Variants in FRK observed in about 807,000 individuals in gnomAD.
FRK encodes tyrosine-protein kinase FRK.
Under a neutral mutation model 56.4 loss-of-function variants are expected in FRK, and 51 were observed. That is an observed-to-expected ratio of 0.90 (90% CI 0.72 to 1.14). The LOEUF is 1.14. FRK is among the 50% of genes most tolerant of loss of function. FRK has a pLI of 0.00. For synonymous variants in FRK, 245 were observed against 217.9 expected, an observed-to-expected ratio of 1.12 and a Z score of -1.10; for missense variants, 570 against 601.4, an observed-to-expected ratio of 0.95 and a Z score of 0.55.
chr6:116,081,483 C>G, the FRK span, among the ~76,000 whole-genome samples: 9 of 152,078 alleles, frequency 5.9e-5, no homozygotes, highest in African/African-American at 9.6e-5. Flanking sequence ...ATGGTGAAAA[C>G]CCTGTCTCTA....
At chr6:116,052,229 C>T (rs1022393777) in intron 1 of FRK, among the ~76,000 whole-genome samples, 3 of 152,118 alleles carry the variant, frequency 2.0e-5, no homozygotes, top group African/African-American at 7.2e-5. Context: ...TTCTGAGAAC[C>T]TGGGAATTAT....
intron 2 of FRK, among the ~76,000 whole-genome samples, chr6:115,969,536 T>G (rs1773721433): frequency 6.6e-6 from 1 of 152,186 alleles, no homozygotes; most frequent in Non-Finnish European, 1.5e-5. Flanking sequence ...AATTGTTGTT[T>G]CTCTGAAAGC....
At chr6:116,031,436 A>G (rs1776300978) in intron 1 of FRK, among the ~76,000 whole-genome samples, 1 of 152,210 alleles carries the variant, frequency 6.6e-6, no homozygotes, top group Admixed American at 6.6e-5. Flanking sequence ...TGAATTTCAG[A>G]GAGGAGGAAA....
intron 1 of FRK, among the ~76,000 whole-genome samples, chr6:116,034,156 A>T (rs1441953788): frequency 1.3e-5 from 2 of 152,120 alleles, no homozygotes; most frequent in Non-Finnish European, 2.9e-5. Flanking sequence ...ACATACAGTT[A>T]GACAGAAGGA....
At chr6:116,047,758 C>A (rs1277000543) in intron 1 of FRK, among the ~76,000 whole-genome samples, 1 of 152,190 alleles carries the variant, frequency 6.6e-6, no homozygotes, top group African/African-American at 2.4e-5. Flanking sequence ...CTCACTTCCT[C>A]CTGGAGGTTA....
intron 2 of FRK, among the ~76,000 whole-genome samples, chr6:115,988,020 A>C (rs1166041891): frequency 6.6e-6 from 1 of 152,092 alleles, no homozygotes; most frequent in Non-Finnish European, 1.5e-5. Context: ...AGGGGATTGA[A>C]AGAAAGTCCC....
At chr6:116,097,872 C>T in the FRK span, among the ~76,000 whole-genome samples, 1 of 152,186 alleles carries the variant, frequency 6.6e-6, no homozygotes, top group Non-Finnish European at 1.5e-5. Flanking sequence ...ATGTCCTTTA[C>T]AGACCTTTCA....
intron 4 of FRK, among the ~76,000 whole-genome samples, chr6:115,959,420 A>C (rs2114573718): frequency 6.6e-6 from 1 of 152,322 alleles, no homozygotes; most frequent in East Asian, 1.9e-4. Context: ...TCTTCTTAGA[A>C]AAGAATTATT....
intron 2 of FRK, among the ~76,000 whole-genome samples, chr6:115,973,857 C>T (rs543388300): frequency 2.2e-5 from 3 of 137,754 alleles, no homozygotes; most frequent in African/African-American, 5.5e-5. Flanking sequence ...GGCAACAGAG[C>T]GAGACACAGT....
intron 2 of FRK, among the ~76,000 whole-genome samples, chr6:115,988,764 AT>A (rs1246418785): frequency 6.6e-6 from 1 of 152,112 alleles, no homozygotes; most frequent in Admixed American, 6.6e-5. Context: ...TCAATAACAT[AT>A]TTTTGTCACT....
intron 2 of FRK, among the ~76,000 whole-genome samples, chr6:115,975,385 G>A (rs913888835): frequency 1.1e-4 from 16 of 152,062 alleles, no homozygotes; most frequent in African/African-American, 3.9e-4. Flanking sequence ...TTGTAGCCAG[G>A]ATGAAGGCAC....
intron 1 of FRK, among the ~76,000 whole-genome samples, chr6:116,058,907 T>A (rs1415622829): frequency 9.7e-6 from 1 of 102,816 alleles, no homozygotes; most frequent in African/African-American, 3.7e-5. Flanking sequence ...CGAGACTCCG[T>A]CTCAAAAAAA....
intron 1 of FRK, among the ~76,000 whole-genome samples, chr6:116,034,140 G>T (rs904874817): frequency 2.0e-5 from 3 of 152,010 alleles, no homozygotes; most frequent in Non-Finnish European, 4.4e-5. Flanking sequence ...TGTTTACTGG[G>T]TAAAAACATA....
chr6:115,994,486 C>A (rs527633145), intron 2 of FRK, among the ~76,000 whole-genome samples: 19 of 152,188 alleles, frequency 1.2e-4, no homozygotes, highest in African/African-American at 4.3e-4. Flanking sequence ...CATTAAGTCT[C>A]TAAACATATT....
Position 115,960,337 on chromosome 6 carries a change from C to T in FRK, c.800-3727G>A, listed in dbSNP as rs572162069. The stretch of plus-strand genomic sequence containing the variant: ...CACCCGAATATTGCGCTTTTCAGAC[C>T]GGCTTAAAAAACGGCGCACCACTAG... On this transcript the variant is annotated intron_variant, in intron 4 of 7. Coordinates refer to ENST00000606080, the MANE Select transcript of FRK (RefSeq NM_002031.3). Among the ~76,000 whole-genome samples, 11 of 151,518 alleles carry T rather than the reference C, an allele frequency of 7.3e-5. No homozygotes were observed. The East Asian group carries it at 2.2e-3, about 30-fold the overall frequency.
At chr6:115,967,279 C>T (rs532137677) in intron 4 of FRK, among the ~76,000 whole-genome samples, 1 of 152,198 alleles carries the variant, frequency 6.6e-6, no homozygotes, top group African/African-American at 2.4e-5. Context: ...GGAAGAAGGA[C>T]ATTGGAAGAC....
chr6:116,029,856 C>CT (rs1399943238), intron 1 of FRK, among the ~76,000 whole-genome samples: 2 of 152,108 alleles, frequency 1.3e-5, no homozygotes, highest in East Asian at 3.9e-4. Flanking sequence ...TCAAAATACT[C>CT]TGATATTGTG....
At chr6:116,061,461 AG>A (rs1207763861), upstream of FRK, among the ~76,000 whole-genome samples, 8 of 152,138 alleles carry the variant, frequency 5.3e-5, no homozygotes, top group South Asian at 4.2e-4. Context: ...TGACCAGTAG[AG>A]AAAAAAAGAG....
chr6:116,035,548 G>C lies in FRK; in HGVS notation c.344+24420C>G, dbSNP rs376831844. Among the ~76,000 whole-genome samples, 10 of 152,074 alleles carry C rather than the reference G, an allele frequency of 6.6e-5. No homozygotes were observed. The East Asian group carries it at 1.3e-3, about 20-fold the overall frequency. The stretch of plus-strand genomic sequence containing the variant: ...AAATTCTGTTTCAAAGTTATAGTCT[G>C]CTAATATAACTCACTAGCAAAGTAT... On this transcript the variant is annotated intron_variant, in intron 1 of 7. Transcript: ENST00000606080.
Sources: allele counts gnomAD v4.1 joint callset (sites outside exome capture counted in the v4.1 genomes callset), GRCh38; gene constraint gnomAD v4.1.1; transcripts MANE v1.5; gene names NCBI Gene and HGNC (gene_info 2026-07-23, HGNC 2026-07-21).